The following STK10 variants were observed in gnomAD, a reference collection of about 807,000 sequenced individuals.
STK10 encodes serine/threonine kinase 10.
Under a neutral mutation model 113.8 loss-of-function variants are expected in STK10, and 78 were observed. The ratio of observed to expected loss-of-function variants is 0.69; its 90% CI spans 0.57 to 0.83. The LOEUF is 0.83. Among genes scored for constraint, STK10 ranks in the 40% least tolerant of loss-of-function variants. The pLI is 0.00. For synonymous variants in STK10, 465 were observed against 494.7 expected, an observed-to-expected ratio of 0.94 and a Z score of 0.80; for missense variants, 1,109 against 1,280.1, an observed-to-expected ratio of 0.87 and a Z score of 2.04.
At chr5:172,165,403 G>A (rs765382404) in intron 1 of STK10, among the ~76,000 whole-genome samples, 2 of 152,186 alleles carry the variant, frequency 1.3e-5, no homozygotes, top group Non-Finnish European at 2.9e-5. Flanking sequence ...AAGAGTAAAT[G>A]AGAACACAAG....
intron 1 of STK10, among the ~76,000 whole-genome samples, chr5:172,185,766 G>A (rs75537105): frequency 2.0e-5 from 3 of 152,308 alleles, no homozygotes; most frequent in Non-Finnish European, 4.4e-5. Context: ...ATCGTTCTCT[G>A]GTGCCACCAG....
chr5:172,055,806 G>A (rs1215701864), intron 15 of STK10, 30 bp from the exon 16 acceptor site: 1 of 1,423,404 alleles, frequency 7.0e-7, no homozygotes, highest in South Asian at 1.6e-5. Flanking sequence ...GGGGCTGAGG[G>A]CAGCTGCACT....
Position 172,052,799 on chromosome 5 carries a change from G to A in STK10, c.2766+130C>T, listed in dbSNP as rs920316379. On this transcript the variant is annotated intron_variant, in intron 18 of 18. Transcript: ENST00000176763. ...GAAAGTTCCCCTCTCTCTCAGGCTG[G>A]AGATCCATTTGATGGTGCCACAAAG... 3.6e-6 allele frequency: 3 copies of A among 825,420 alleles called. No individual in the cohort carries two copies. In the South Asian group the frequency reaches 5.1e-5, roughly 14 times the overall value. The allele number at this position is 825,420 out of a possible 1,614,324, so 51.1% of individuals were successfully genotyped here. A position where few individuals can be genotyped will look rare whatever the true frequency, so the allele number is the denominator to read the frequency against.
intron 4 of STK10, among the ~76,000 whole-genome samples, chr5:172,112,298 T>C (rs1418570604): frequency 6.6e-6 from 1 of 152,182 alleles, no homozygotes; most frequent in Non-Finnish European, 1.5e-5. Flanking sequence ...TGTGTACATG[T>C]CTGCACGCAT....
At chr5:172,134,745 C>CAGAAAAA in intron 2 of STK10, among the ~76,000 whole-genome samples, 1 of 132,280 alleles carries the variant, frequency 7.6e-6, no homozygotes, top group Middle Eastern at 3.9e-3. Flanking sequence ...CTCATATTTA[C>CAGAAAAA]AAAAAAAAAA....
intron 18 of STK10, chr5:172,045,413 A>G (rs4867662): frequency 0.6 from 277,099 of 461,172 alleles, 84,827 homozygotes; most frequent in Non-Finnish European, 0.65. Flanking sequence ...TTTTTTTTTC[A>G]AAATACACAT....
intron 3 of STK10, among the ~76,000 whole-genome samples, chr5:172,121,872 CTT>C (rs35742153): frequency 0.026 from 3,666 of 142,116 alleles, 72 homozygotes; most frequent in African/African-American, 0.06. Flanking sequence ...AGCTAATATA[CTT>C]TTTTTTTTTT....
intron 3 of STK10, among the ~76,000 whole-genome samples, chr5:172,126,206 G>A (rs1048826224): frequency 6.6e-6 from 1 of 152,306 alleles, no homozygotes; most frequent in South Asian, 2.1e-4. Flanking sequence ...GGTTAGGAGC[G>A]GGTCACCCAG....
At chr5:172,150,382 G>A (rs1402032066) in intron 2 of STK10, among the ~76,000 whole-genome samples, 1 of 151,572 alleles carries the variant, frequency 6.6e-6, no homozygotes, top group East Asian at 2.0e-4. Flanking sequence ...TCGGGAAGCT[G>A]AGGCAGGAGA....
At position 172,064,771 on chromosome 5, in the gene STK10, C is replaced by T. The variant is rs928375415; in HGVS notation, c.2031G>A (p.Lys677=). 1.9e-6 allele frequency: 3 copies of T among 1,614,094 alleles called. No homozygotes were observed. Among genetic ancestry groups the T allele is most frequent in the Non-Finnish European group, 2.5e-6 (3 of 1,180,054 alleles). Residue 677 remains lysine, a synonymous_variant, in exon 13 of 19, where the codon AAG becomes AAA. Transcript: ENST00000176763. ...EVEKLPRQQR[K]ESMKQKMEEH... Reference sequence around the variant, plus strand: ...CCTCCATCTTCTGCTTCATGCTTTCCTTCCGCTGCTGTCGGGGGAGCTTCT... The same window carrying T: ...CCTCCATCTTCTGCTTCATGCTTTCTTTCCGCTGCTGTCGGGGGAGCTTCT...
chr5:172,060,287 G>A (rs1767905269), intron 14 of STK10, among the ~76,000 whole-genome samples: 1 of 152,240 alleles, frequency 6.6e-6, no homozygotes, highest in East Asian at 1.9e-4. Flanking sequence ...CGTGCCTGTA[G>A]TCCCAGCTAC....
intron 1 of STK10, among the ~76,000 whole-genome samples, chr5:172,158,585 C>T (rs542595939): frequency 3.3e-5 from 5 of 152,090 alleles, no homozygotes; most frequent in East Asian, 1.9e-4. Flanking sequence ...CAAGATCATG[C>T]GACTGCACTC....
At position 172,093,464 on chromosome 5, in the gene STK10, T is replaced by C. The variant is rs772141946; in HGVS notation, c.1502A>G (p.Asn501Ser). The change falls in exon 9 of 19, where the codon AAT becomes AGT. Residue 501 changes from asparagine to serine, a missense_variant. Transcript: ENST00000176763. This position sits in a 1 kb window ranked among gnomAD's most constrained non-coding sequence, Gnocchi z 4.1. Reference sequence around the variant, plus strand: ...GTTCAGCGACAGGTCAGTGGAGAGATTGGTACCATAGTCCATGCTCTCAGA... The same window carrying C: ...GTTCAGCGACAGGTCAGTGGAGAGACTGGTACCATAGTCCATGCTCTCAGA... The part of the protein sequence containing the change: ...CTSESMDYGT[N>S]LSTDLSLNKE... The C allele has an allele frequency of 7.4e-6, 12 of 1,613,964 alleles. No homozygotes were observed. Among genetic ancestry groups the C allele is most frequent in the South Asian group, 4.4e-5 (4 of 91,068 alleles).
In STK10 at chr5:172,107,765, AG is replaced by A; in HGVS notation, c.593+14del. ...ACATCCAGTCCATTCCATTTCCAGA[AG>A]CTACACGACTCACCAGTAAGGCGTG... On this transcript the variant is annotated intron_variant, in intron 5 of 18. Coordinates refer to ENST00000176763, the MANE Select transcript of STK10 (RefSeq NM_005990.4). 6.2e-7 allele frequency: 1 copy of A among 1,613,444 alleles called. No homozygotes were observed. The highest frequency in any genetic ancestry group is 8.5e-7 in the Non-Finnish European group (1 of 1,179,570).
chr5:172,107,885 C>T (rs373246702), intron 4 of STK10, 33 bp from the exon 5 acceptor site: 1 of 1,608,214 alleles, frequency 6.2e-7, no homozygotes. Context: ...GCGTTTTCCA[C>T]CCATAGCCCT....
chr5:172,126,654 C>T (rs1406427180), intron 3 of STK10, among the ~76,000 whole-genome samples: 1 of 152,230 alleles, frequency 6.6e-6, no homozygotes, highest in East Asian at 1.9e-4. Flanking sequence ...CACTCTCTGG[C>T]ATATAGTGAC....
rs527958824 is a variant in STK10, at chr5:172,107,876, C to T, written c.521-24G>A. On this transcript the variant is annotated intron_variant, in intron 4 of 18. Transcript: ENST00000176763. ...AGCTGCAAGACAAAATCTCAGCTAG[C>T]GTTTTCCACCCATAGCCCTGGGGTA... The T allele has an allele frequency of 4.7e-5, 75 of 1,612,302 alleles. No individual in the cohort carries two copies. In the South Asian group the frequency reaches 7.9e-4, roughly 17 times the overall value.
intron 10 of STK10, among the ~76,000 whole-genome samples, chr5:172,089,670 G>A (rs1025531945): frequency 5.3e-5 from 8 of 152,208 alleles, no homozygotes; most frequent in South Asian, 2.1e-4. Flanking sequence ...GGATGGAATG[G>A]TGAGTGAGTA....
intron 18 of STK10, among the ~76,000 whole-genome samples, chr5:172,051,377 C>T (rs1297088098): frequency 6.6e-6 from 1 of 152,118 alleles, no homozygotes; most frequent in Non-Finnish European, 1.5e-5. Flanking sequence ...GTAATCCCAG[C>T]ACTTTGGGAG....
Sources: gnomAD v4.1 joint callset for allele counts (sites outside exome capture counted in the v4.1 genomes callset) on GRCh38, gnomAD v4.1.1 for gene constraint, Gnocchi (gnomAD v3.1) non-coding constraint, MANE v1.5 for transcripts, NCBI Gene and HGNC (gene_info 2026-07-23, HGNC 2026-07-21) for gene names.